The following GABBR1 variants were observed in gnomAD, a reference collection of about 807,000 sequenced individuals.
GABBR1 encodes the protein GABA-B receptor, R1 subunit.
Under a neutral mutation model 117.7 loss-of-function variants are expected in GABBR1, and 35 were observed. The observed-to-expected ratio is 0.30, with a 90% confidence interval of 0.23 to 0.39. The LOEUF (loss-of-function observed/expected upper bound fraction) is 0.39, where lower values mean the gene tolerates loss of function less well. Ranked by LOEUF, GABBR1 falls within the 10% of genes least tolerant of loss-of-function variation. The probability of loss-of-function intolerance (pLI) is 1.00; values close to 1 mark genes in which losing one functional copy is unlikely to be tolerated. For synonymous variants in GABBR1, 442 were observed against 486.6 expected (o/e 0.91, Z 1.21); for missense variants, 709 against 1,241.8 (o/e 0.57, Z 6.45).
intron 6 of GABBR1, 78 bp from the exon 7 acceptor site, chr6:29,624,102 G>A (rs1191932609): frequency 3.7e-5 from 50 of 1,345,052 alleles, no homozygotes; most frequent in Non-Finnish European, 4.7e-5. Context: ...TATCTTTCTC[G>A]AACAAATTAG....
intron 11 of GABBR1, among the ~76,000 whole-genome samples, chr6:29,616,846 C>CAA (rs28383807): frequency 0.01 from 760 of 74,412 alleles, 21 homozygotes; most frequent in South Asian, 0.071. Flanking sequence ...TACTCTACCT[C>CAA]AAAAAAAAAA....
rs1762198798 is a variant in GABBR1, at chr6:29,608,587, C to T, written c.1992+14G>A. 1 of 1,611,004 alleles carries T rather than the reference C, an allele frequency of 6.2e-7. No individual in the cohort carries two copies. Among genetic ancestry groups the T allele is most frequent in the Non-Finnish European group, 8.5e-7 (1 of 1,179,046 alleles). On this transcript the variant is annotated intron_variant, in intron 16 of 22. Coordinates refer to ENST00000377034, the MANE Select transcript of GABBR1 (RefSeq NM_001470.4). ...AGTCACATCCTGTAAGGAATTTGCC[C>T]ACCACCTCCTCACCTGGCAGACGAA...
Position 29,602,641 on chromosome 6 carries a change from G to T in GABBR1, c.*902C>A. On this transcript the variant is annotated 3_prime_UTR_variant, in exon 23 of 23. Transcript: ENST00000377034. ...CAATGTGCAGGGTAGGGTACATATG[G>T]CTCTGTCAGAAGAATACCATGATTT... is the stretch of plus-strand genomic sequence containing the variant. 3.8e-6 allele frequency: 1 copy of T among 264,866 alleles called. No homozygotes were observed. The highest frequency in any genetic ancestry group is 7.4e-6 in the Non-Finnish European group (1 of 135,822). The allele number at this position is 264,866 out of a possible 1,614,324, so 16.4% of individuals were successfully genotyped here.
chr6:29,607,869 CTACAGCTAAT>C lies in GABBR1; in HGVS notation c.1993-661_1993-652del, dbSNP rs1762123335. On this transcript the variant is annotated intron_variant, in intron 16 of 22. Transcript: ENST00000377034. This position sits in a 1 kb window ranked among gnomAD's most constrained non-coding sequence, Gnocchi z 5.0. The stretch of plus-strand genomic sequence containing the variant: ...CTACTCTGGAACCTCTCCTATTGCA[CTACAGCTAAT>C]TGTCTGCTTCTCCAGCTGCACTCTG... Among the ~76,000 whole-genome samples the C allele has an allele frequency of 6.6e-6, 1 of 152,248 alleles. No individual in the cohort carries two copies.
In GABBR1 at chr6:29,607,970, C is replaced by T. The variant is rs1375705421; in HGVS notation, c.1992+631G>A. Reference sequence around the variant, plus strand: ...CATGTGCATGGAAATGCCATGTGCACAGATGTATGATCAGGACAGCACAGA... The same window carrying T: ...CATGTGCATGGAAATGCCATGTGCATAGATGTATGATCAGGACAGCACAGA... On this transcript the variant is annotated intron_variant, in intron 16 of 22. Transcript: ENST00000377034. The surrounding 1 kb of genome is among the most constrained non-coding windows in gnomAD (Gnocchi z 5.0). Among the ~76,000 whole-genome samples, 3 of 152,198 alleles carry T rather than the reference C, an allele frequency of 2.0e-5. No homozygotes were observed. The highest frequency in any genetic ancestry group is 7.2e-5 in the African/African-American group (3 of 41,446).
rs1017449379 is a variant in GABBR1 at position 29,602,316 on chromosome 6, AC to A, written c.*1226del. On this transcript the variant is annotated 3_prime_UTR_variant, in exon 23 of 23. Coordinates refer to ENST00000377034, the MANE Select transcript of GABBR1 (RefSeq NM_001470.4). ...CAGTGTGAAAGGGACACCACCTCCC[AC>A]CCCATAGGTCCATCTGTCTATCCCA... 2.0e-5 allele frequency: 3 copies of A among 153,110 alleles called. No individual in the cohort carries two copies. The highest frequency in any genetic ancestry group is 2.9e-5 in the Non-Finnish European group (2 of 68,806). 9.5% of individuals were successfully genotyped at this position (153,110 alleles called of 1,614,324 possible).
At position 29,622,046 on chromosome 6, in the gene GABBR1, C is replaced by A; in HGVS notation, c.1065+58G>T. ...CGCCTGGCTTTCCTCTCCAACCAGT[C>A]ACTGTCCCCCAGCTTGGTCCCTCCG... On this transcript the variant is annotated intron_variant, in intron 9 of 22. Transcript: ENST00000377034. This position sits in a 1 kb window ranked among gnomAD's most constrained non-coding sequence, Gnocchi z 4.6. 1 of 1,455,876 alleles carries A rather than the reference C, an allele frequency of 6.9e-7. No homozygotes were observed. Among genetic ancestry groups the A allele is most frequent in the East Asian group, 2.3e-5 (1 of 44,068 alleles). 90.2% of individuals were successfully genotyped at this position (1,455,876 alleles called of 1,614,324 possible).
rs1389998174 is a variant in GABBR1, at chr6:29,607,731, A to C, written c.1993-513T>G. On this transcript the variant is annotated intron_variant, in intron 16 of 22. Coordinates refer to ENST00000377034, the MANE Select transcript of GABBR1 (RefSeq NM_001470.4). The surrounding 1 kb of genome is among the most constrained non-coding windows in gnomAD (Gnocchi z 5.0). ...CTTCCTCTATTTCTCTAGCTGATAAAATCCTATTTGTCCTTCAGTATTCAA... is the reference window on the plus strand; with the variant it reads ...CTTCCTCTATTTCTCTAGCTGATAACATCCTATTTGTCCTTCAGTATTCAA... 6.6e-6 allele frequency among the ~76,000 whole-genome samples: 1 copy of C among 152,154 alleles called. No homozygotes were observed. Among genetic ancestry groups the C allele is most frequent in the Admixed American group, 6.5e-5 (1 of 15,288 alleles).
At chr6:29,625,796 A>C (rs552577007) in intron 6 of GABBR1, among the ~76,000 whole-genome samples, 1 of 152,244 alleles carries the variant, frequency 6.6e-6, no homozygotes, top group East Asian at 1.9e-4. Flanking sequence ...ATCCCCTATC[A>C]TAAAGCCTGC....
At chr6:29,629,159 T>C (rs1203449371) in intron 4 of GABBR1, 52 bp from the exon 5 acceptor site, 1 of 1,605,898 alleles carries the variant, frequency 6.2e-7, no homozygotes, top group African/African-American at 1.3e-5. Context: ...GGCGCCCAGC[T>C]TCCCTGGCCT....
Position 29,605,039 on chromosome 6 carries a change from G to T in GABBR1, c.2440-51C>A. 1 of 1,547,222 alleles carries T rather than the reference G, an allele frequency of 6.5e-7. No individual in the cohort carries two copies. The highest frequency in any genetic ancestry group is 2.1e-5 in the Admixed American group (1 of 48,504). ...GTCTCAGGTCTGCAGGCTCAGACAA[G>T]ATCCAGAGTTTACTTCCCATGGGAG... On this transcript the variant is annotated intron_variant, in intron 20 of 22. Coordinates refer to ENST00000377034, the MANE Select transcript of GABBR1 (RefSeq NM_001470.4). The surrounding 1 kb of genome is among the most constrained non-coding windows in gnomAD (Gnocchi z 4.2).
Position 29,605,058 on chromosome 6 carries a change from A to C in GABBR1, c.2440-70T>G. Reference sequence around the variant, plus strand: ...AGACAAGATCCAGAGTTTACTTCCCATGGGAGGGAGTCTATGCAGACAGTT... The same window carrying C: ...AGACAAGATCCAGAGTTTACTTCCCCTGGGAGGGAGTCTATGCAGACAGTT... On this transcript the variant is annotated intron_variant, in intron 20 of 22. Transcript: ENST00000377034. The surrounding 1 kb of genome is among the most constrained non-coding windows in gnomAD (Gnocchi z 4.2). The C allele has an allele frequency of 2.0e-6, 3 of 1,478,004 alleles. No homozygotes were observed. The highest frequency in any genetic ancestry group is 2.7e-6 in the Non-Finnish European group (3 of 1,102,540). 91.6% of individuals were successfully genotyped at this position (1,478,004 alleles called of 1,614,324 possible).
rs867484590 is a variant in GABBR1 at position 29,632,368 on chromosome 6, TAGC to T, written c.15_17del (p.Leu7del). The T allele has an allele frequency of 3.0e-6, 4 of 1,346,942 alleles. No homozygotes were observed. The highest frequency in any genetic ancestry group is 2.0e-5 in the South Asian group (1 of 51,234). The allele number at this position is 1,346,942 out of a possible 1,614,324, so 83.4% of individuals were successfully genotyped here. ...GGGGGCGGAGGAAGAGTGGCGCCAGTAGCAGCAGCAGCAACATCTAAGTGAGAG... is the reference window on the plus strand; with the variant it reads ...GGGGGCGGAGGAAGAGTGGCGCCAGTAGCAGCAGCAACATCTAAGTGAGAG... On this transcript the variant is annotated inframe_deletion, in exon 2 of 23. Transcript: ENST00000377034. This position sits in a 1 kb window ranked among gnomAD's most constrained non-coding sequence, Gnocchi z 5.8.
chr6:29,608,531 T>C, intron 16 of GABBR1, 70 bp downstream of exon 16: 1 of 1,508,144 alleles, frequency 6.6e-7, no homozygotes, highest in Non-Finnish European at 9.1e-7. Flanking sequence ...GAATCATAAA[T>C]CATGGAAGGT....
In GABBR1 at chr6:29,610,890, G is replaced by A. The variant is rs1309529113; in HGVS notation, c.1708+34C>T. The A allele has an allele frequency of 8.9e-6, 14 of 1,566,816 alleles. No homozygotes were observed. In the African/African-American group the frequency reaches 1.6e-4, roughly 18 times the overall value. ...GACTTTTTCCCTTGACTGTCGAGAG[G>A]GGCTGAAGGAAAATACAAACAAGAT... On this transcript the variant is annotated intron_variant, in intron 14 of 22. Coordinates refer to ENST00000377034, the MANE Select transcript of GABBR1 (RefSeq NM_001470.4).
chr6:29,610,797 T>C, intron 14 of GABBR1, 127 bp downstream of exon 14: 1 of 766,878 alleles, frequency 1.3e-6, no homozygotes, highest in South Asian at 1.6e-5. Context: ...TAACCCTTTC[T>C]CCTGGCCCAG....
At chr6:29,619,902 A>G (rs1458964210) in intron 11 of GABBR1, among the ~76,000 whole-genome samples, 1 of 152,228 alleles carries the variant, frequency 6.6e-6, no homozygotes, top group Non-Finnish European at 1.5e-5. Context: ...ATGTCCCAAA[A>G]CAGTGTGTAT....
Position 29,604,724 on chromosome 6 carries a change from T to A in GABBR1, c.2569-87A>T. On this transcript the variant is annotated intron_variant, in intron 21 of 22. Coordinates refer to ENST00000377034, the MANE Select transcript of GABBR1 (RefSeq NM_001470.4). The surrounding 1 kb of genome is among the most constrained non-coding windows in gnomAD (Gnocchi z 5.3). Reference sequence around the variant, plus strand: ...GGAAGGTTGGAGGTGGAAGGAATGCTGATAAGAGTTGGGCCCAAAACAAGG... The same window carrying A: ...GGAAGGTTGGAGGTGGAAGGAATGCAGATAAGAGTTGGGCCCAAAACAAGG... 6.2e-7 allele frequency: 1 copy of A among 1,600,944 alleles called. No homozygotes were observed. The highest frequency in any genetic ancestry group is 8.5e-7 in the Non-Finnish European group (1 of 1,171,206).
In GABBR1 at chr6:29,620,639, A is replaced by G. The variant is rs1763653099; in HGVS notation, c.1323+462T>C. Among the ~76,000 whole-genome samples, 1 of 152,208 alleles carries G rather than the reference A, an allele frequency of 6.6e-6. No homozygotes were observed. Among genetic ancestry groups the G allele is most frequent in the Non-Finnish European group, 1.5e-5 (1 of 68,040 alleles). On this transcript the variant is annotated intron_variant, in intron 11 of 22. Coordinates refer to ENST00000377034, the MANE Select transcript of GABBR1 (RefSeq NM_001470.4). This position sits in a 1 kb window ranked among gnomAD's most constrained non-coding sequence, Gnocchi z 4.5. ...AAAAAAAGAATCATTAAAAAAAGCAACAGGATCCAAGCTAATTGCATATCA... is the reference window on the plus strand; with the variant it reads ...AAAAAAAGAATCATTAAAAAAAGCAGCAGGATCCAAGCTAATTGCATATCA...
Sources: allele counts gnomAD v4.1 joint callset (sites outside exome capture counted in the v4.1 genomes callset), GRCh38; gene constraint gnomAD v4.1.1; non-coding constraint Gnocchi (gnomAD v3.1); transcripts MANE v1.5; gene names NCBI Gene and HGNC (gene_info 2026-07-23, HGNC 2026-07-21).